Variants in CACNA2D1 observed in about 807,000 individuals in gnomAD.
CACNA2D1 encodes calcium voltage-gated channel auxiliary subunit alpha2delta 1.
A neutral mutation model predicts 171.5 loss-of-function variants in CACNA2D1; 53 were observed. The ratio of observed to expected loss-of-function variants is 0.31; its 90% CI spans 0.25 to 0.39. The LOEUF (loss-of-function observed/expected upper bound fraction) is 0.39, where lower values mean the gene tolerates loss of function less well. Among genes scored for constraint, CACNA2D1 ranks in the 10% least tolerant of loss-of-function variants. The pLI is 1.00. For missense variants in CACNA2D1, 903 were observed against 1,299.8 expected (o/e 0.69, Z 4.69); for synonymous variants, 442 against 443.1 (o/e 1.00, Z 0.03).
chr7:82,062,126 G>A (rs1280360013), intron 9 of CACNA2D1, among the ~76,000 whole-genome samples: 1 of 152,066 alleles, frequency 6.6e-6, no homozygotes, highest in Non-Finnish European at 1.5e-5. Context: ...TTTTAGGGAA[G>A]GGCTATTATC....
chr7:82,256,490 T>C (rs1806323904), intron 3 of CACNA2D1, among the ~76,000 whole-genome samples: 2 of 152,116 alleles, frequency 1.3e-5, no homozygotes, highest in African/African-American at 4.8e-5. Context: ...AGTTTGGCCA[T>C]AGAGAAATAC....
chr7:82,401,450 G>A (rs906392824), intron 1 of CACNA2D1, among the ~76,000 whole-genome samples: 38 of 149,016 alleles, frequency 2.6e-4, no homozygotes, highest in South Asian at 1.3e-3. Context: ...GTAAACTATC[G>A]CAAGAACAAA....
chr7:82,414,825 T>G (rs1048612147), intron 1 of CACNA2D1, among the ~76,000 whole-genome samples: 1 of 152,238 alleles, frequency 6.6e-6, no homozygotes, highest in African/African-American at 2.4e-5. Flanking sequence ...GACACCTCCG[T>G]AAAATTGACT....
At position 82,443,692 on chromosome 7, in the gene CACNA2D1, G is replaced by C. The variant is rs1265641363; in HGVS notation, c.-233C>G. On this transcript the variant is annotated 5_prime_UTR_variant, in exon 1 of 39. Transcript: ENST00000356860. ...CACTAGCGTGCGTCGGCTGCTCCGCGCCGCGGCCGCCTTGCCTCCGCCGCC... is the reference window on the plus strand; with the variant it reads ...CACTAGCGTGCGTCGGCTGCTCCGCCCCGCGGCCGCCTTGCCTCCGCCGCC... 4 of 1,236,532 alleles carry C rather than the reference G, an allele frequency of 3.2e-6. No homozygotes were observed. Among genetic ancestry groups the C allele is most frequent in the Non-Finnish European group, 4.0e-6 (4 of 992,502 alleles). 76.6% of individuals were successfully genotyped at this position (1,236,532 alleles called of 1,614,324 possible).
intron 3 of CACNA2D1, among the ~76,000 whole-genome samples, chr7:82,283,478 A>C (rs1228620058): frequency 6.6e-6 from 1 of 152,260 alleles, no homozygotes; most frequent in Non-Finnish European, 1.5e-5. Context: ...ATCAAATAGC[A>C]TAAATGTTGA....
chr7:82,275,188 T>C (rs1809168280), intron 3 of CACNA2D1, among the ~76,000 whole-genome samples: 2 of 13,650 alleles, frequency 1.5e-4, no homozygotes, highest in Admixed American at 9.4e-4. Context: ...AATTTATTAG[T>C]GATAAAAGAT....
At chr7:82,111,442 A>AT (rs1228823349) in intron 6 of CACNA2D1, among the ~76,000 whole-genome samples, 5,363 of 98,792 alleles carry the variant, frequency 0.054, 748 homozygotes, top group East Asian at 0.16. Context: ...ATATATATAT[A>AT]TATTTTTTTT....
intron 3 of CACNA2D1, among the ~76,000 whole-genome samples, chr7:82,332,522 G>GAAAGAA (rs1554514820): frequency 1.2e-5 from 1 of 83,482 alleles, no homozygotes; most frequent in Non-Finnish European, 2.5e-5. Flanking sequence ...AAGAAAGAAA[G>GAAAGAA]AAAGAAAGAA....
chr7:82,253,766 G>A (rs774957720), intron 3 of CACNA2D1, among the ~76,000 whole-genome samples: 1 of 152,116 alleles, frequency 6.6e-6, no homozygotes, highest in Non-Finnish European at 1.5e-5. Context: ...CCAGAAACTT[G>A]CAAGGTCTCA....
chr7:82,010,628 A>T (rs1799675836), intron 15 of CACNA2D1, among the ~76,000 whole-genome samples: 1 of 152,164 alleles, frequency 6.6e-6, no homozygotes, highest in Non-Finnish European at 1.5e-5. Context: ...GACCTTAAGT[A>T]AATATGTGAT....
intron 9 of CACNA2D1, among the ~76,000 whole-genome samples, chr7:82,063,913 C>T (rs979944892): frequency 6.6e-6 from 1 of 151,198 alleles, no homozygotes; most frequent in South Asian, 2.1e-4. Context: ...GGCTGGAATA[C>T]AGCGGCAGGA....
intron 3 of CACNA2D1, among the ~76,000 whole-genome samples, chr7:82,279,825 GT>G (rs1809851868): frequency 1.3e-5 from 2 of 152,068 alleles, no homozygotes; most frequent in South Asian, 4.1e-4. Context: ...TAGCTTTAGA[GT>G]TATTTTTTTA....
At chr7:82,427,647 G>A (rs1238423119) in intron 1 of CACNA2D1, among the ~76,000 whole-genome samples, 1 of 152,140 alleles carries the variant, frequency 6.6e-6, no homozygotes, top group African/African-American at 2.4e-5. Context: ...TTATCAATGG[G>A]AAGGTTGACT....
intron 38 of CACNA2D1, among the ~76,000 whole-genome samples, chr7:81,957,794 T>G (rs1287955014): frequency 1.3e-5 from 2 of 152,152 alleles, no homozygotes; most frequent in Non-Finnish European, 2.9e-5. Context: ...TATAGGAGCT[T>G]CAATTGCTGA....
intron 5 of CACNA2D1, among the ~76,000 whole-genome samples, chr7:82,118,876 T>C (rs1011085295): frequency 2.6e-5 from 4 of 152,108 alleles, no homozygotes; most frequent in Admixed American, 6.6e-5. Flanking sequence ...TCTCCTTTTC[T>C]AGTTTATATA....
chr7:81,986,575 A>G (rs1796998279), intron 21 of CACNA2D1, among the ~76,000 whole-genome samples: 1 of 152,106 alleles, frequency 6.6e-6, no homozygotes, highest in Non-Finnish European at 1.5e-5. Flanking sequence ...AGGAAAAAAA[A>G]AGCAAGGGTT....
chr7:82,104,956 C>T (rs1787561686), intron 6 of CACNA2D1, among the ~76,000 whole-genome samples: 1 of 151,986 alleles, frequency 6.6e-6, no homozygotes, highest in Non-Finnish European at 1.5e-5. Flanking sequence ...CTCAAATATT[C>T]TTGGAAATCC....
intron 3 of CACNA2D1, among the ~76,000 whole-genome samples, chr7:82,171,575 C>T (rs1357967066): frequency 6.6e-6 from 1 of 152,040 alleles, no homozygotes; most frequent in East Asian, 1.9e-4. Flanking sequence ...ATTGGAAGGA[C>T]TAAATGAGTT....
intron 1 of CACNA2D1, among the ~76,000 whole-genome samples, chr7:82,419,791 T>C (rs1477675197): frequency 6.6e-6 from 1 of 152,176 alleles, no homozygotes; most frequent in African/African-American, 2.4e-5. Flanking sequence ...GAAACATGTA[T>C]CATGGGTCAA....
Sources: gnomAD v4.1 joint callset for allele counts (sites outside exome capture counted in the v4.1 genomes callset) on GRCh38, gnomAD v4.1.1 for gene constraint, MANE v1.5 for transcripts, NCBI Gene and HGNC (gene_info 2026-07-23, HGNC 2026-07-21) for gene names.